The following RARB variants were observed in gnomAD, a reference collection of about 807,000 sequenced individuals.
RARB encodes retinoic acid receptor beta.
In RARB, 17 loss-of-function variants were observed where a neutral mutation model predicts 51.9. The ratio of observed to expected loss-of-function variants is 0.33; its 90% CI spans 0.22 to 0.49. The LOEUF is 0.49. Among genes scored for constraint, RARB ranks in the 20% least tolerant of loss-of-function variants. RARB has a pLI of 0.99. For missense variants in RARB, 369 were observed against 550.8 expected, an observed-to-expected ratio of 0.67 and a Z score of 3.30; for synonymous variants, 215 against 195.4, an observed-to-expected ratio of 1.10 and a Z score of -0.84.
chr3:25,593,039 T>C (rs1701672971), intron 5 of RARB, among the ~76,000 whole-genome samples: 1 of 152,168 alleles, frequency 6.6e-6, no homozygotes, highest in Non-Finnish European at 1.5e-5. Context: ...AAGAATAATA[T>C]TCACTTTACC....
chr3:25,031,787 A>G (rs1302607785), intron 2 of RARB, among the ~76,000 whole-genome samples: 1 of 152,248 alleles, frequency 6.6e-6, no homozygotes, highest in Non-Finnish European at 1.5e-5. Flanking sequence ...GGGCAGTTGC[A>G]AATAATTCCA....
At chr3:25,295,636 G>A (rs977035756) in intron 5 of RARB, among the ~76,000 whole-genome samples, 54 of 152,168 alleles carry the variant, frequency 3.5e-4, no homozygotes, top group African/African-American at 1.2e-3. Context: ...TGCCTAATAT[G>A]TAGGGCTGTG....
chr3:24,973,257 G>A (rs192206472), intron 2 of RARB, among the ~76,000 whole-genome samples: 31 of 152,044 alleles, frequency 2.0e-4, no homozygotes, highest in Admixed American at 7.9e-4. Context: ...TATGTACTTG[G>A]CACTTTTGTC....
rs575912568 is a variant in RARB, at chr3:25,122,183, A to G, written c.-327-9978A>G. 5.3e-5 allele frequency among the ~76,000 whole-genome samples: 8 copies of G among 152,248 alleles called. No individual in the cohort carries two copies. The East Asian group carries it at 1.5e-3, about 29-fold the overall frequency. ...ATCTTTGTGAAGCTGTTTTTCAGCAATTGTTGTGATTTGAAAAAGCAAGTA... is the reference window on the plus strand; with the variant it reads ...ATCTTTGTGAAGCTGTTTTTCAGCAGTTGTTGTGATTTGAAAAAGCAAGTA... On this transcript the variant is annotated intron_variant, in intron 3 of 11. Transcript: ENST00000383772.
chr3:24,961,366 T>G (rs1035199902), intron 2 of RARB, among the ~76,000 whole-genome samples: 2 of 152,244 alleles, frequency 1.3e-5, no homozygotes, highest in African/African-American at 4.8e-5. Flanking sequence ...ATTCACATTT[T>G]CACTGAAATC....
chr3:25,164,101 A>G (rs986614040), intron 4 of RARB, among the ~76,000 whole-genome samples: 1 of 152,122 alleles, frequency 6.6e-6, no homozygotes, highest in Non-Finnish European at 1.5e-5. Flanking sequence ...AAAAAAATGC[A>G]GCTCCCAGAA....
chr3:24,955,825 G>A (rs747260143), intron 2 of RARB, among the ~76,000 whole-genome samples: 1 of 152,076 alleles, frequency 6.6e-6, no homozygotes, highest in Admixed American at 6.6e-5. Context: ...CAGGAATAAA[G>A]GTGGTCGTCT....
chr3:24,983,558 G>T (rs1298385856), intron 2 of RARB, among the ~76,000 whole-genome samples: 1 of 151,826 alleles, frequency 6.6e-6, no homozygotes, highest in Non-Finnish European at 1.5e-5. Flanking sequence ...GACAGGTCCT[G>T]GTGTGTGGTG....
At chr3:25,543,621 A>G (rs1343307001) in intron 3 of RARB, among the ~76,000 whole-genome samples, 1 of 152,090 alleles carries the variant, frequency 6.6e-6, no homozygotes, top group African/African-American at 2.4e-5. Context: ...TTGGGGAACT[A>G]TTAAGCAAGC....
chr3:25,174,473 C>A, exon 5 of RARB: 1 of 1,352,162 alleles, frequency 7.4e-7, no homozygotes, highest in Non-Finnish European at 9.8e-7. Context: ...CACACCCTAC[C>A]CGTTACTCTT....
At chr3:25,250,208 G>T (rs1227208871) in intron 5 of RARB, among the ~76,000 whole-genome samples, 1 of 152,148 alleles carries the variant, frequency 6.6e-6, no homozygotes, top group East Asian at 1.9e-4. Context: ...CCCCTGTGAG[G>T]GATGCCAACA....
chr3:25,500,959 A>G (rs1490516682), intron 2 of RARB, among the ~76,000 whole-genome samples: 99 of 152,192 alleles, frequency 6.5e-4, no homozygotes, highest in Non-Finnish European at 1.5e-5. Context: ...GCAAGATAAT[A>G]ATGGTCATGT....
At chr3:25,325,192 C>T (rs1214658681) in intron 5 of RARB, among the ~76,000 whole-genome samples, 1 of 152,162 alleles carries the variant, frequency 6.6e-6, no homozygotes, top group Non-Finnish European at 1.5e-5. Context: ...TATAGTGTAG[C>T]TTCCTGATGT....
intron 5 of RARB, among the ~76,000 whole-genome samples, chr3:25,200,356 A>G (rs1246481617): frequency 2.0e-5 from 3 of 151,546 alleles, no homozygotes; most frequent in Admixed American, 6.6e-5. Context: ...TTTGTCAGAT[A>G]AGTAGATTGC....
chr3:24,880,492 G>C (rs532027175), intron 2 of RARB, among the ~76,000 whole-genome samples: 1 of 152,236 alleles, frequency 6.6e-6, no homozygotes, highest in South Asian at 2.1e-4. Context: ...GGTAGTTGAA[G>C]ATACCTATTT....
chr3:25,083,222 G>GATT lies in RARB; in HGVS notation c.-328+23050_-328+23052dup, dbSNP rs201213559. On this transcript the variant is annotated intron_variant, in intron 3 of 11. Transcript: ENST00000383772. Reference sequence around the variant, plus strand: ...TGATATAATTTTATGGAAGATTACTGATTATTTTTTGCTCAAATATTTCTT... The same window carrying GATT: ...TGATATAATTTTATGGAAGATTACTGATTATTATTTTTTGCTCAAATATTTCTT... Among the ~76,000 whole-genome samples the GATT allele has an allele frequency of 9.9e-3, 1,511 of 152,024 alleles. 27 individuals carry two copies. Among genetic ancestry groups the GATT allele is most frequent in the African/African-American group, 0.033 (1,360 of 41,500 alleles).
rs1701861583 is a variant in RARB, at chr3:25,596,964, CTCTGTTCTTTCTATACTGTATGTTTGGT to C, written c.*349_*376del. On this transcript the variant is annotated 3_prime_UTR_variant, in exon 8 of 8. Coordinates refer to ENST00000330688, the MANE Select transcript of RARB (RefSeq NM_000965.5). ...AGACTTTGTACATACAGAAGTATGG[CTCTGTTCTTTCTATACTGTATGTTTGGT>C]GCTTTCCTTTTGTCTTGCATACTCA... is the stretch of plus-strand genomic sequence containing the variant. 1 of 187,346 alleles carries C rather than the reference CTCTGTTCTTTCTATACTGTATGTTTGGT, an allele frequency of 5.3e-6. No individual in the cohort carries two copies. Among genetic ancestry groups the C allele is most frequent in the Non-Finnish European group, 1.1e-5 (1 of 89,670 alleles). 11.6% of individuals were successfully genotyped at this position (187,346 alleles called of 1,614,324 possible).
chr3:25,150,792 C>T (rs570337632), intron 4 of RARB, among the ~76,000 whole-genome samples: 2 of 152,292 alleles, frequency 1.3e-5, no homozygotes, highest in East Asian at 1.9e-4. Context: ...AAGAATCCAG[C>T]CTTCTAGTAG....
intron 3 of RARB, among the ~76,000 whole-genome samples, chr3:25,113,765 T>C (rs1699641843): frequency 1.3e-5 from 2 of 152,100 alleles, no homozygotes; most frequent in East Asian, 1.9e-4. Flanking sequence ...TAGAAAGCAG[T>C]TCCAGAAAGT....
Sources: allele counts gnomAD v4.1 joint callset (sites outside exome capture counted in the v4.1 genomes callset), GRCh38; gene constraint gnomAD v4.1.1; transcripts MANE v1.5; gene names NCBI Gene and HGNC (gene_info 2026-07-23, HGNC 2026-07-21).